The following DNHD1 variants were observed in gnomAD, a reference collection of about 807,000 sequenced individuals.
DNHD1 encodes dynein heavy chain domain 1, also known as dynein heavy chain domain-containing protein 1.
A neutral mutation model predicts 458.1 loss-of-function variants in DNHD1; 383 were observed. The ratio of observed to expected loss-of-function variants is 0.84; its 90% CI spans 0.77 to 0.91. DNHD1 has a LOEUF of 0.91. Among genes scored for constraint, DNHD1 ranks in the 40% least tolerant of loss-of-function variants. The pLI is 0.00. For missense variants in DNHD1, 5,336 were observed against 5,866.1 expected (o/e 0.91, Z 2.95); for synonymous variants, 2,203 against 2,376.9 (o/e 0.93, Z 2.13).
At chr11:6,501,549 A>C (rs1280919636) in intron 3 of DNHD1, among the ~76,000 whole-genome samples, 1 of 151,992 alleles carries the variant, frequency 6.6e-6, no homozygotes, top group African/African-American at 2.4e-5. Context: ...AAGGCAACTG[A>C]AGTTGAGGGA....
At chr11:6,503,768 T>A (rs1382129758) in intron 4 of DNHD1, 1 of 152,226 alleles carries the variant, frequency 6.6e-6, no homozygotes, top group Non-Finnish European at 1.5e-5. Context: ...TGAGCCACCA[T>A]GCCTGGCTCA....
At chr11:6,501,759 G>A (rs893121270) in intron 3 of DNHD1, among the ~76,000 whole-genome samples, 11 of 152,192 alleles carry the variant, frequency 7.2e-5, no homozygotes, top group Non-Finnish European at 1.6e-4. Context: ...GGAACCCGTA[G>A]AGGAGCAAAT....
In DNHD1 at chr11:6,498,356, G is replaced by C. The variant is rs1251440150; in HGVS notation, c.141G>C (p.Lys47Asn). 1 of 1,614,240 alleles carries C rather than the reference G, an allele frequency of 6.2e-7. No individual in the cohort carries two copies. Among genetic ancestry groups the C allele is most frequent in the Non-Finnish European group, 8.5e-7 (1 of 1,180,042 alleles). ...AGCAGAAACAGAGGCAGTTCGTGAAGCCAGTGACTGAGTCAGAGCAGCCCA... is the reference window on the plus strand; with the variant it reads ...AGCAGAAACAGAGGCAGTTCGTGAACCCAGTGACTGAGTCAGAGCAGCCCA... ...ACQQKQRQFV[K>N]PVTESEQPTV... is the part of the protein sequence containing the mutation. The change falls in exon 3 of 43, where the codon AAG becomes AAC. Residue 47 changes from lysine (K) to asparagine (N), a missense_variant. This residue lies in a region of DNHD1 where 3,932 missense variants were observed against 4,365.6 expected (regional missense o/e 0.90). Transcript: ENST00000254579.
Position 6,571,513 on chromosome 11 carries a change from C to G in DNHD1, c.13911+90C>G. 1 of 1,463,412 alleles carries G rather than the reference C, an allele frequency of 6.8e-7. No homozygotes were observed. Among genetic ancestry groups the G allele is most frequent in the South Asian group, 1.4e-5 (1 of 71,202 alleles). The allele number at this position is 1,463,412 out of a possible 1,614,324, so 90.7% of individuals were successfully genotyped here. On this transcript the variant is annotated intron_variant, in intron 42 of 42. Transcript: ENST00000254579. This position sits in a 1 kb window ranked among gnomAD's most constrained non-coding sequence, Gnocchi z 5.0. ...GTTACCCCTTCTTGGTGATCTTGCCCCCGGTAACCCTGCTAGCTTCTCCGA... is the reference window on the plus strand; with the variant it reads ...GTTACCCCTTCTTGGTGATCTTGCCGCCGGTAACCCTGCTAGCTTCTCCGA...
In DNHD1 at chr11:6,533,845, C is replaced by T. The variant is rs1260131405; in HGVS notation, c.2670C>T (p.Cys890=). The change falls in exon 14 of 43, where the codon TGC becomes TGT. Residue 890 remains cysteine (C), a synonymous_variant. Transcript: ENST00000254579. ...TCGGGGAGTCACCCATCCCTCCCTGCCCTCCTCCCCCACAACCACATCTAC... is the reference window on the plus strand; with the variant it reads ...TCGGGGAGTCACCCATCCCTCCCTGTCCTCCTCCCCCACAACCACATCTAC... ...RQFGESPIPP[C]PPPPQPHLLH... 1 of 1,551,236 alleles carries T rather than the reference C, an allele frequency of 6.4e-7. No homozygotes were observed. The highest frequency in any genetic ancestry group is 1.2e-5 in the South Asian group (1 of 84,008).
At position 6,548,363 on chromosome 11, in the gene DNHD1, C is replaced by T; in HGVS notation, c.7059C>T (p.His2353=). 1 of 1,551,702 alleles carries T rather than the reference C, an allele frequency of 6.4e-7. No homozygotes were observed. Among genetic ancestry groups the T allele is most frequent in the Non-Finnish European group, 8.7e-7 (1 of 1,146,980 alleles). The change falls in exon 23 of 43, where the codon CAC becomes CAT. Residue 2353 remains histidine, a synonymous_variant. Coordinates refer to ENST00000254579, the MANE Select transcript of DNHD1 (RefSeq NM_144666.3). The surrounding 1 kb of genome is among the most constrained non-coding windows in gnomAD (Gnocchi z 4.4). ...TCACTGGCCAATACCTGAGCAGCCA[C>T]ATCAAAGGAACTTTGGGCACCTTTC... ...VPFTGQYLSS[H]IKGTLGTFHP...
intron 7 of DNHD1, among the ~76,000 whole-genome samples, chr11:6,516,293 C>CTTT (rs368832969): frequency 3.0e-5 from 4 of 133,406 alleles, no homozygotes; most frequent in Non-Finnish European, 6.4e-5. Context: ...ACTCTAATCA[C>CTTT]TTTTTTTTTT....
chr11:6,508,650 T>A (rs1333671271), intron 4 of DNHD1: 1 of 520,652 alleles, frequency 1.9e-6, no homozygotes, highest in Admixed American at 3.7e-5. Flanking sequence ...TTCTTGGAGC[T>A]GGCTAGGTGC....
intron 7 of DNHD1, among the ~76,000 whole-genome samples, chr11:6,518,755 C>T (rs1852542905): frequency 6.6e-6 from 1 of 152,134 alleles, no homozygotes; most frequent in African/African-American, 2.4e-5. Context: ...CACTTAGTCT[C>T]ATATACAAAA....
At chr11:6,552,080 A>T (rs555828634) in intron 24 of DNHD1, among the ~76,000 whole-genome samples, 5 of 149,856 alleles carry the variant, frequency 3.3e-5, no homozygotes, top group African/African-American at 1.3e-4. Flanking sequence ...CTCATTTAAA[A>T]AAAAAAGTTT....
In DNHD1 at chr11:6,558,690, G is replaced by A. The variant is rs1254079318; in HGVS notation, c.9208G>A (p.Asp3070Asn). 6.5e-7 allele frequency: 1 copy of A among 1,549,182 alleles called. No individual in the cohort carries two copies. The highest frequency in any genetic ancestry group is 1.2e-5 in the South Asian group (1 of 84,050). ...GGGTGCTCAGAGTGTGCCCCTTGAT[G>A]ACGGTAAGCCCTTTTTACTTGTCCT... ...LEGAQSVPLDDGSWKYPDLQA... is the reference protein window; with the variant it reads ...LEGAQSVPLDNGSWKYPDLQA... Residue 3070 changes from aspartate (D) to asparagine (N), a missense_variant, in exon 26 of 43, where the codon GAC (aspartate) becomes AAC (asparagine). Physicochemically the swap from Asp to Asn is conservative, Grantham distance 23. Around this residue, in one of 4 missense-constraint regions of DNHD1, gnomAD observed 3,932 missense variants for 4,365.6 expected, o/e 0.90. Coordinates refer to ENST00000254579, the MANE Select transcript of DNHD1 (RefSeq NM_144666.3).
rs1853765325 is a variant in DNHD1 at position 6,568,670 on chromosome 11, C to G, written c.12667C>G (p.Leu4223Val). 1 of 1,613,854 alleles carries G rather than the reference C, an allele frequency of 6.2e-7. No homozygotes were observed. The highest frequency in any genetic ancestry group is 1.3e-5 in the African/African-American group (1 of 74,932). ...AESSASLPAV[L>V]TQHSMPVFWN... ...GCACTCTCCTTCCTCCCCAGCTGTG[C>G]TGACTCAGCACTCCATGCCTGTTTT... Residue 4223 changes from leucine to valine, a missense_variant, in exon 39 of 43, where the codon CTG (leucine) becomes GTG (valine). Leu to Val is a conservative substitution (Grantham distance 32). Around this residue, in one of 4 missense-constraint regions of DNHD1, gnomAD observed 695 missense variants for 804.2 expected, o/e 0.86. Transcript: ENST00000254579.
chr11:6,546,787 A>C lies in DNHD1; in HGVS notation c.5848A>C (p.Lys1950Gln), dbSNP rs963509929. 1.1e-5 allele frequency: 17 copies of C among 1,551,688 alleles called. No individual in the cohort carries two copies. The highest frequency in any genetic ancestry group is 2.0e-5 in the Admixed American group (1 of 50,998). Residue 1950 changes from lysine (K) to glutamine (Q), a missense_variant, in exon 21 of 43, where the codon AAG becomes CAG. By Grantham distance (53) the Lys-to-Gln change is moderately conservative. Around this residue, in one of 4 missense-constraint regions of DNHD1, gnomAD observed 3,932 missense variants for 4,365.6 expected, o/e 0.90. Coordinates refer to ENST00000254579, the MANE Select transcript of DNHD1 (RefSeq NM_144666.3). Reference sequence around the variant, plus strand: ...AGTGCTGGCAGAACCTATGACTTACAAGCTGATGAAGCCATTGGTGGTGGA... The same window carrying C: ...AGTGCTGGCAGAACCTATGACTTACCAGCTGATGAAGCCATTGGTGGTGGA... ...SQVLAEPMTY[K>Q]LMKPLVVEEL...
chr11:6,522,605 G>A (rs912762016), intron 10 of DNHD1, among the ~76,000 whole-genome samples: 4 of 151,972 alleles, frequency 2.6e-5, no homozygotes, highest in African/African-American at 9.7e-5. Context: ...CATGTACCCC[G>A]GAATCTAAAA....
At chr11:6,508,563 A>C (rs941501242) in intron 4 of DNHD1, 2 of 245,410 alleles carry the variant, frequency 8.1e-6, no homozygotes, top group East Asian at 8.7e-5. Context: ...GCATTTCATA[A>C]GATAATGCTG....
At chr11:6,532,959 C>T in intron 12 of DNHD1, 68 bp from the exon 13 acceptor site, 3 of 1,470,580 alleles carry the variant, frequency 2.0e-6, no homozygotes, top group African/African-American at 1.4e-5. Context: ...CCACTCTGGA[C>T]CACAGCACTG....
Position 6,505,979 on chromosome 11 carries a change from A to G in DNHD1, c.921-2901A>G, listed in dbSNP as rs546934160. 5.3e-5 allele frequency among the ~76,000 whole-genome samples: 8 copies of G among 152,234 alleles called. No homozygotes were observed. The highest frequency in any genetic ancestry group is 8.8e-5 in the Non-Finnish European group (6 of 68,040). ...GGGCTTTAAACTATCAGCATCTTTT[A>G]TAATTAGAGAAGCATCTCGATCAAA... On this transcript the variant is annotated intron_variant, in intron 4 of 42. Transcript: ENST00000254579. This position sits in a 1 kb window ranked among gnomAD's most constrained non-coding sequence, Gnocchi z 4.4.
In DNHD1 at chr11:6,565,611, G is replaced by A. The variant is rs190145981; in HGVS notation, c.10757-84G>A. ...TGTCTTCCTGCAGACCTTCCCTCAT[G>A]AAATGGAGCCCTTCAGTGAATTCCT... On this transcript the variant is annotated intron_variant, in intron 32 of 42. Transcript: ENST00000254579. 215 of 1,369,482 alleles carry A rather than the reference G, an allele frequency of 1.6e-4. No individual in the cohort carries two copies. The East Asian group carries it at 5.2e-3, about 33-fold the overall frequency. The allele number at this position is 1,369,482 out of a possible 1,614,324, so 84.8% of individuals were successfully genotyped here.
intron 17 of DNHD1, among the ~76,000 whole-genome samples, chr11:6,539,562 C>T (rs555382227): frequency 5.3e-5 from 8 of 152,306 alleles, no homozygotes; most frequent in African/African-American, 1.9e-4. Context: ...GTTGTGGGCA[C>T]ACAGAATGGC....
Sources: gnomAD v4.1 joint callset for allele counts (sites outside exome capture counted in the v4.1 genomes callset) on GRCh38, gnomAD v4.1.1 for gene constraint, gnomAD v4.1.1 regional missense constraint, Gnocchi (gnomAD v3.1) non-coding constraint, MANE v1.5 for transcripts, NCBI Gene and HGNC (gene_info 2026-07-23, HGNC 2026-07-21) for gene names.